PRMT8: variants seen among roughly 807,000 people sequenced by gnomAD.
PRMT8 encodes protein arginine N-methyltransferase 8.
A neutral mutation model predicts 47.1 loss-of-function variants in PRMT8; 7 were observed. The ratio of observed to expected loss-of-function variants is 0.15; its 90% CI spans 0.08 to 0.28. The LOEUF (loss-of-function observed/expected upper bound fraction) is 0.28, where lower values mean the gene tolerates loss of function less well. Ranked by LOEUF, PRMT8 falls within the 10% of genes least tolerant of loss-of-function variation. The probability of loss-of-function intolerance (pLI) is 1.00; values close to 1 mark genes in which losing one functional copy is unlikely to be tolerated. For missense variants in PRMT8, 237 were observed against 505.4 expected, an observed-to-expected ratio of 0.47 and a Z score of 5.09; for synonymous variants, 188 against 186.5, an observed-to-expected ratio of 1.01 and a Z score of -0.07.
intron 1 of PRMT8, among the ~76,000 whole-genome samples, chr12:3,518,395 T>TTC (rs1360683213): frequency 4.4e-5 from 2 of 45,278 alleles, no homozygotes; most frequent in Non-Finnish European, 8.7e-5. Flanking sequence ...GAGTTAGGAA[T>TTC]TCTTTTTTTT....
At chr12:3,451,823 T>C (rs1478120334) in intron 1 of PRMT8, among the ~76,000 whole-genome samples, 1 of 152,208 alleles carries the variant, frequency 6.6e-6, no homozygotes, top group African/African-American at 2.4e-5. Flanking sequence ...GTCTTGACGT[T>C]GCTAATTTCC....
intron 1 of PRMT8, among the ~76,000 whole-genome samples, chr12:3,400,211 C>T (rs867550439): frequency 2.2e-4 from 33 of 152,056 alleles, no homozygotes; most frequent in Middle Eastern, 3.4e-3. Context: ...AAAAAATCAA[C>T]AAATCCAAGA....
At position 3,537,661 on chromosome 12, in the gene PRMT8, T is replaced by C. The variant is rs534294603; in HGVS notation, c.76-2945T>C. 3.8e-3 allele frequency among the ~76,000 whole-genome samples: 575 copies of C among 152,334 alleles called. 2 individuals carry two copies. Among genetic ancestry groups the C allele is most frequent in the Middle Eastern group, 6.8e-3 (2 of 294 alleles). ...TATTTTTGTTAATGTCACCACCATT[T>C]CCCTAGTCACCCAGGCTTGAAATGT... On this transcript the variant is annotated intron_variant, in intron 1 of 9. Coordinates refer to ENST00000382622, the MANE Select transcript of PRMT8 (RefSeq NM_019854.5).
chr12:3,469,238 C>A lies in PRMT8; in HGVS notation c.49-71368C>A, dbSNP rs573582192. ...AGTGAAGCCAGCAAGGACCAAACAC[C>A]CCCATCCTGATTTAGACCTTCACGT... On this transcript the variant is annotated intron_variant, in intron 1 of 9. Transcript: ENST00000452611. The A allele has an allele frequency of 3.4e-3, 1,529 of 447,586 alleles. 30 individuals carry two copies. Among genetic ancestry groups the A allele is most frequent in the South Asian group, 0.027 (1,489 of 55,538 alleles). 27.7% of individuals were successfully genotyped at this position (447,586 alleles called of 1,614,324 possible).
At chr12:3,489,375 G>A (rs1044685515), upstream of PRMT8, among the ~76,000 whole-genome samples, 1 of 151,716 alleles carries the variant, frequency 6.6e-6, no homozygotes, top group Admixed American at 6.6e-5. Flanking sequence ...GCAGAGTGTC[G>A]GACTGAAAGT....
chr12:3,591,427 T>TC lies in PRMT8; in HGVS notation c.980-804_980-803insC, dbSNP rs1337865977. 1.4e-4 allele frequency among the ~76,000 whole-genome samples: 21 copies of TC among 150,052 alleles called. No homozygotes were observed. The East Asian group carries it at 4.1e-3, about 29-fold the overall frequency. ...AAGCTCTTTTTTTTTTTTTTTTTTT[T>TC]TGAGACAGGGTCTCACTCACTGGTT... is the stretch of plus-strand genomic sequence containing the variant. On this transcript the variant is annotated intron_variant, in intron 8 of 9. Transcript: ENST00000382622.
chr12:3,546,237 G>A (rs1178516777), intron 2 of PRMT8, among the ~76,000 whole-genome samples: 1 of 152,006 alleles, frequency 6.6e-6, no homozygotes, highest in African/African-American at 2.4e-5. Context: ...TGCTTATGGG[G>A]AAAAAAAGTC....
intron 1 of PRMT8, among the ~76,000 whole-genome samples, chr12:3,427,724 A>C (rs539781715): frequency 6.8e-4 from 103 of 152,102 alleles, no homozygotes; most frequent in Non-Finnish European, 1.3e-3. Context: ...GACATGCCTC[A>C]ATTTTCTGAC....
intron 4 of PRMT8, among the ~76,000 whole-genome samples, chr12:3,568,020 A>T (rs1041559548): frequency 2.0e-5 from 3 of 151,774 alleles, no homozygotes; most frequent in Non-Finnish European, 2.9e-5. Context: ...TGTGGTGAGC[A>T]GAGATCACGC....
At chr12:3,540,558 G>A in intron 1 of PRMT8, 48 bp from the exon 2 acceptor site, 1 of 1,299,088 alleles carries the variant, frequency 7.7e-7, no homozygotes. Context: ...TCCGAGGGCG[G>A]GACCCCGTTG....
intron 1 of PRMT8, among the ~76,000 whole-genome samples, chr12:3,387,597 C>T (rs774872537): frequency 8.5e-5 from 13 of 152,106 alleles, no homozygotes; most frequent in Non-Finnish European, 1.6e-4. Flanking sequence ...ATCAAGAGAT[C>T]ACCATCACCA....
Position 3,572,203 on chromosome 12 carries a change from T to C in PRMT8, c.712+2639T>C, listed in dbSNP as rs1446290504. On this transcript the variant is annotated intron_variant, in intron 6 of 9. Coordinates refer to ENST00000382622, the MANE Select transcript of PRMT8 (RefSeq NM_019854.5). This position sits in a 1 kb window ranked among gnomAD's most constrained non-coding sequence, Gnocchi z 5.9. ...GAGACCACATAGAGACAGAGATAAA[T>C]ATCTGGCATATACTAGGCTCACAAT... 6.6e-6 allele frequency among the ~76,000 whole-genome samples: 1 copy of C among 152,050 alleles called. No individual in the cohort carries two copies. Among genetic ancestry groups the C allele is most frequent in the Non-Finnish European group, 1.5e-5 (1 of 68,024 alleles).
intron 4 of PRMT8, among the ~76,000 whole-genome samples, chr12:3,558,949 T>TCTATCTACCTAC (rs1252589593): frequency 4.4e-5 from 6 of 135,626 alleles, no homozygotes; most frequent in Non-Finnish European, 8.0e-5. Flanking sequence ...CATTTATCTG[T>TCTATCTACCTAC]CTATCTATCT....
rs992414561 is a variant in PRMT8 at position 3,564,110 on chromosome 12, G to A, written c.482-4596G>A. ...CCGGGCCCTCCGCAGGTGCAAGGCA[G>A]CCAGCATGGGTGTCACCAAAATAGG... On this transcript the variant is annotated intron_variant, in intron 4 of 9. Transcript: ENST00000382622. The surrounding 1 kb of genome is among the most constrained non-coding windows in gnomAD (Gnocchi z 4.0). 6.6e-6 allele frequency among the ~76,000 whole-genome samples: 1 copy of A among 152,208 alleles called. No individual in the cohort carries two copies. Among genetic ancestry groups the A allele is most frequent in the Non-Finnish European group, 1.5e-5 (1 of 68,040 alleles).
At chr12:3,531,275 G>C (rs569597457) in intron 1 of PRMT8, among the ~76,000 whole-genome samples, 1 of 152,206 alleles carries the variant, frequency 6.6e-6, no homozygotes, top group Non-Finnish European at 1.5e-5. Context: ...CAAAGGAGGG[G>C]AGGAGGCTCC....
Position 3,394,323 on chromosome 12 carries a change from C to T in PRMT8, c.48+12881C>T, listed in dbSNP as rs367855657. On this transcript the variant is annotated intron_variant, in intron 1 of 9. Transcript: ENST00000452611. ...AGGGAATGCTTCCAGTTTTTGCCCA[C>T]TCAGTATGATATTGGCTGTGGGTTT... Among the ~76,000 whole-genome samples the T allele has an allele frequency of 7.2e-5, 11 of 152,228 alleles. 1 individual carries two copies. The highest frequency in any genetic ancestry group is 1.4e-4 in the African/African-American group (6 of 41,530).
At chr12:3,539,825 G>A (rs190617762) in intron 1 of PRMT8, among the ~76,000 whole-genome samples, 1 of 152,300 alleles carries the variant, frequency 6.6e-6, no homozygotes, top group East Asian at 1.9e-4. Context: ...CATCAGTGTG[G>A]GTATCCACAG....
chr12:3,488,152 A>G (rs1865339737), upstream of PRMT8, among the ~76,000 whole-genome samples: 1 of 152,158 alleles, frequency 6.6e-6, no homozygotes, highest in Admixed American at 6.5e-5. Flanking sequence ...AATTGTATCT[A>G]CCTCAAAAAG....
At chr12:3,546,407 A>G (rs1866328257) in intron 2 of PRMT8, among the ~76,000 whole-genome samples, 1 of 152,230 alleles carries the variant, frequency 6.6e-6, no homozygotes, top group Non-Finnish European at 1.5e-5. Flanking sequence ...TTGCCTTTTG[A>G]AAAGGCTAAT....
Sources: gnomAD v4.1 joint callset for allele counts (sites outside exome capture counted in the v4.1 genomes callset) on GRCh38, gnomAD v4.1.1 for gene constraint, Gnocchi (gnomAD v3.1) non-coding constraint, MANE v1.5 for transcripts, NCBI Gene and HGNC (gene_info 2026-07-23, HGNC 2026-07-21) for gene names.